The following HPS5 variants were observed in gnomAD, a reference collection of about 807,000 sequenced individuals.
HPS5 encodes the protein HPS5 biogenesis of lysosomal organelles complex 2 subunit 2.
HPS5 carries 83 observed loss-of-function variants against 128.0 expected under a neutral mutation model. The ratio of observed to expected loss-of-function variants is 0.65; its 90% confidence interval spans 0.54 to 0.78. The LOEUF (loss-of-function observed/expected upper bound fraction) is 0.78. Among genes scored for constraint, HPS5 ranks in the 30% least tolerant of loss-of-function variants. The probability of loss-of-function intolerance (pLI) is 0.00; values close to 1 mark genes in which losing one functional copy is unlikely to be tolerated. For synonymous variants in HPS5, 475 were observed against 470.2 expected, an observed-to-expected ratio of 1.01 and a Z score of -0.13; for missense variants, 1,281 against 1,326.2, an observed-to-expected ratio of 0.97 and a Z score of 0.53.
chr11:18,320,262 T>C (rs1864164663), intron 1 of HPS5, among the ~76,000 whole-genome samples: 1 of 152,218 alleles, frequency 6.6e-6, no homozygotes, highest in African/African-American at 2.4e-5. Context: ...CAGATTTTCT[T>C]ATCCAAACAT....
chr11:18,286,342 C>A (rs1369533111), intron 19 of HPS5, among the ~76,000 whole-genome samples: 1 of 152,040 alleles, frequency 6.6e-6, no homozygotes, highest in Non-Finnish European at 1.5e-5. Flanking sequence ...CCCAGGAGAT[C>A]GAGACCAGCC....
rs1278590778 is a variant in HPS5, at chr11:18,287,882, G to A, written c.2561+11C>T. The A allele has an allele frequency of 1.2e-6, 2 of 1,613,846 alleles. No individual in the cohort carries two copies. Among genetic ancestry groups the A allele is most frequent in the Non-Finnish European group, 1.7e-6 (2 of 1,179,960 alleles). On this transcript the variant is annotated intron_variant, in intron 17 of 22. Coordinates refer to ENST00000349215, the MANE Select transcript of HPS5 (RefSeq NM_181507.2). ...CTTTAGCTCATATAAACAATATACAGGACAACTTACCGGGTAGCATAAACA... is the reference window on the plus strand; with the variant it reads ...CTTTAGCTCATATAAACAATATACAAGACAACTTACCGGGTAGCATAAACA...
intron 1 of HPS5, among the ~76,000 whole-genome samples, chr11:18,318,164 T>G (rs763318962): frequency 2.0e-5 from 3 of 152,146 alleles, no homozygotes; most frequent in Non-Finnish European, 4.4e-5. Flanking sequence ...TCTAACAGTG[T>G]GAGTAAACAG....
chr11:18,293,015 G>A, intron 14 of HPS5, 39 bp from the exon 15 acceptor site: 2 of 1,510,428 alleles, frequency 1.3e-6, no homozygotes. Flanking sequence ...ATTCACAAGA[G>A]TTAGAGGGGA....
intron 21 of HPS5, among the ~76,000 whole-genome samples, 176 bp downstream of exon 21, chr11:18,283,619 C>G (rs1401763740): frequency 6.6e-6 from 1 of 152,024 alleles, no homozygotes; most frequent in African/African-American, 2.4e-5. Context: ...CATAACATAT[C>G]AAGGGCTATA....
At chr11:18,300,091 A>G (rs1861520766) in intron 9 of HPS5, among the ~76,000 whole-genome samples, 1 of 152,192 alleles carries the variant, frequency 6.6e-6, no homozygotes, top group South Asian at 2.1e-4. Context: ...AGTTAATAAT[A>G]ATGTCTGTTT....
chr11:18,305,921 A>G (rs985415219), intron 7 of HPS5, among the ~76,000 whole-genome samples: 5 of 147,742 alleles, frequency 3.4e-5, no homozygotes, highest in African/African-American at 1.0e-4. Context: ...TTTGGTAGAG[A>G]CGGGGTTTCA....
At chr11:18,293,050 C>G in intron 14 of HPS5, 74 bp from the exon 15 acceptor site, 2 of 1,098,342 alleles carry the variant, frequency 1.8e-6, no homozygotes, top group Non-Finnish European at 2.8e-6. Flanking sequence ...GAGACAGGGT[C>G]TCACTCTGTC....
intron 22 of HPS5, chr11:18,280,569 G>T (rs866465452): frequency 1.4e-6 from 1 of 700,920 alleles, no homozygotes; most frequent in Middle Eastern, 2.3e-4. Flanking sequence ...GCAGTGTCTG[G>T]AAGACATATT....
chr11:18,293,051 T>A, intron 14 of HPS5, 75 bp from the exon 15 acceptor site: 2 of 1,090,584 alleles, frequency 1.8e-6, no homozygotes, highest in Non-Finnish European at 2.8e-6. Flanking sequence ...AGACAGGGTC[T>A]CACTCTGTCA....
chr11:18,306,175 T>C lies in HPS5; in HGVS notation c.784A>G (p.Lys262Glu), dbSNP rs1282038022. ...GGGAGAGGTGGCAACGAGAGGAGTT[T>C]CTTGAACTGATGTGTACTTATAACT... ...GEVISTHQFKKLLSLPPLPVI... is the reference protein window; with the variant it reads ...GEVISTHQFKELLSLPPLPVI... Residue 262 changes from lysine to glutamate, a missense_variant, in exon 7 of 23, where the codon AAA (lysine) becomes GAA (glutamate). Physicochemically the swap from Lys to Glu is moderately conservative, Grantham distance 56. Transcript: ENST00000349215. 1 of 1,613,928 alleles carries C rather than the reference T, an allele frequency of 6.2e-7. No homozygotes were observed. The highest frequency in any genetic ancestry group is 1.3e-5 in the African/African-American group (1 of 74,904).
intron 11 of HPS5, 39 bp from the exon 12 acceptor site, chr11:18,297,023 A>G (rs761179396): frequency 7.6e-7 from 1 of 1,319,552 alleles, no homozygotes; most frequent in South Asian, 1.2e-5. Flanking sequence ...AAAAGGTAAA[A>G]ATTTCCTTTA....
chr11:18,286,786 A>T lies in HPS5; in HGVS notation c.2718-76T>A, dbSNP rs1355836905. ...AGCATAAAATGTGGGGAGTGTGAAG[A>T]AAACCTGATTAAGAGATGAATATAG... On this transcript the variant is annotated intron_variant, in intron 18 of 22. Coordinates refer to ENST00000349215, the MANE Select transcript of HPS5 (RefSeq NM_181507.2). 3.2e-6 allele frequency: 5 copies of T among 1,580,568 alleles called. No individual in the cohort carries two copies. In the South Asian group the frequency reaches 5.6e-5, roughly 18 times the overall value.
intron 14 of HPS5, among the ~76,000 whole-genome samples, 164 bp from the exon 15 acceptor site, chr11:18,293,140 A>C (rs1469502985): frequency 6.6e-6 from 1 of 151,326 alleles, no homozygotes; most frequent in Non-Finnish European, 1.5e-5. Flanking sequence ...TCCCTGCCTC[A>C]GCCTCAGAGC....
At chr11:18,304,760 T>G (rs1021815479) in intron 8 of HPS5, among the ~76,000 whole-genome samples, 7 of 152,260 alleles carry the variant, frequency 4.6e-5, no homozygotes, top group African/African-American at 1.7e-4. Flanking sequence ...ATATCAGAAG[T>G]AATTTTTTAT....
At position 18,296,666 on chromosome 11, in the gene HPS5, G is replaced by A; in HGVS notation, c.1510+132C>T. ...AGGGGGCAGATCTGTAGATCTGGAT[G>A]GAAAGTTCTATCAACATGTTAAAAA... On this transcript the variant is annotated intron_variant, in intron 12 of 22. Transcript: ENST00000349215. 14 of 871,894 alleles carry A rather than the reference G, an allele frequency of 1.6e-5. No homozygotes were observed. The South Asian group carries it at 1.7e-4, about 11-fold the overall frequency. 54.0% of individuals were successfully genotyped at this position (871,894 alleles called of 1,614,324 possible). A position where few individuals can be genotyped will look rare whatever the true frequency, so the allele number is the denominator to read the frequency against.
At chr11:18,309,180 A>T in intron 5 of HPS5, 101 bp from the exon 6 acceptor site, 1 of 1,232,334 alleles carries the variant, frequency 8.1e-7, no homozygotes, top group Non-Finnish European at 1.2e-6. Flanking sequence ...TGAATAGCAA[A>T]ATAAAATTTT....
Position 18,298,846 on chromosome 11 carries a change from C to T in HPS5, c.1110G>A (p.Trp370Ter). Reference sequence around the variant, plus strand: ...GACAGCATGTACGAGCAGCCAAGTTCCATAGGCCTCTTCTTAGCAGGCGTT... The same window carrying T: ...GACAGCATGTACGAGCAGCCAAGTTTCATAGGCCTCTTCTTAGCAGGCGTT... ...CVERLLRRGLWNLAARTCCLF... is the reference protein window; with the variant it reads ...CVERLLRRGL The change falls in exon 10 of 23, where the codon TGG (tryptophan) becomes TGA (stop). Residue 370 changes from tryptophan to a stop codon, truncating the protein, a stop_gained. Transcript: ENST00000349215. LOFTEE classifies it high-confidence loss of function. The T allele has an allele frequency of 6.2e-7, 1 of 1,614,184 alleles. No individual in the cohort carries two copies. Among genetic ancestry groups the T allele is most frequent in the Non-Finnish European group, 8.5e-7 (1 of 1,180,040 alleles).
At chr11:18,306,553 A>G (rs1051088204) in intron 6 of HPS5, among the ~76,000 whole-genome samples, 8 of 152,238 alleles carry the variant, frequency 5.3e-5, no homozygotes, top group African/African-American at 1.9e-4. Flanking sequence ...CTATGACAGG[A>G]AGCAAATCAT....
Sources: allele counts gnomAD v4.1 joint callset (sites outside exome capture counted in the v4.1 genomes callset), GRCh38; gene constraint gnomAD v4.1.1; transcripts MANE v1.5; gene names NCBI Gene and HGNC (gene_info 2026-07-23, HGNC 2026-07-21).